RIMBP2: variants seen among roughly 807,000 people sequenced by gnomAD.
The protein encoded by RIMBP2 is RIMS binding protein 2, also known as RIMS-binding protein 2.
A neutral mutation model predicts 118.6 loss-of-function variants in RIMBP2; 48 were observed. The ratio of observed to expected loss-of-function variants is 0.40; its 90% CI spans 0.32 to 0.51. RIMBP2 has a LOEUF of 0.51. Ranked by LOEUF, RIMBP2 falls within the 20% of genes least tolerant of loss-of-function variation. The pLI, the probability that RIMBP2 is intolerant of heterozygous loss-of-function variation, is 0.41. For synonymous variants in RIMBP2, 762 were observed against 742.9 expected (o/e 1.03, Z -0.42); for missense variants, 1,551 against 1,768.3 (o/e 0.88, Z 2.20).
chr12:130,596,919 G>C (rs1040763765), intron 2 of RIMBP2, among the ~76,000 whole-genome samples: 1 of 152,200 alleles, frequency 6.6e-6, no homozygotes, highest in African/African-American at 2.4e-5. Context: ...AACTTGAGTG[G>C]CTCCATGTTT....
chr12:130,405,284 C>A (rs886996500), intron 21 of RIMBP2, among the ~76,000 whole-genome samples: 3 of 152,158 alleles, frequency 2.0e-5, no homozygotes, highest in Admixed American at 6.5e-5. Flanking sequence ...AATATCCTCA[C>A]CAAAGGCAAA....
rs1349057455 is a variant in RIMBP2, at chr12:130,622,934, A to G, written c.-217+5388T>C. On this transcript the variant is annotated intron_variant, in intron 2 of 22. Coordinates refer to ENST00000690449, the MANE Select transcript of RIMBP2 (RefSeq NM_001393629.1). The surrounding 1 kb of genome is among the most constrained non-coding windows in gnomAD (Gnocchi z 8.5). ...CTACTAAGCCCTGCAGGTAGGAACA[A>G]GAAGACTCATCTAACAGAGAAAATG... 6.6e-6 allele frequency among the ~76,000 whole-genome samples: 1 copy of G among 152,248 alleles called. No homozygotes were observed. Among genetic ancestry groups the G allele is most frequent in the Non-Finnish European group, 1.5e-5 (1 of 68,042 alleles).
intron 1 of RIMBP2, among the ~76,000 whole-genome samples, chr12:130,646,125 GCCTCTCCACCTC>G (rs1381140181): frequency 6.5e-4 from 13 of 20,046 alleles, no homozygotes; most frequent in South Asian, 3.9e-3. Flanking sequence ...CTCACCACCT[GCCTCTCCACCTC>G]CCTCACCACC....
At chr12:130,546,980 T>C in intron 2 of RIMBP2, among the ~76,000 whole-genome samples, 1 of 152,054 alleles carries the variant, frequency 6.6e-6, no homozygotes, top group Non-Finnish European at 1.5e-5. Flanking sequence ...CTCCCTATCA[T>C]CTCCCCAGTG....
intron 3 of RIMBP2, among the ~76,000 whole-genome samples, chr12:130,516,859 T>C (rs2051518924): frequency 1.3e-5 from 2 of 151,962 alleles, no homozygotes; most frequent in Non-Finnish European, 2.9e-5. Flanking sequence ...CCAGTTGCCA[T>C]AGGGAAAAGA....
At position 130,424,637 on chromosome 12, in the gene RIMBP2, G is replaced by T; in HGVS notation, c.2634C>A (p.Ala878=). 8.1e-7 allele frequency: 1 copy of T among 1,231,944 alleles called. No individual in the cohort carries two copies. 76.3% of individuals were successfully genotyped at this position (1,231,944 alleles called of 1,614,324 possible). The change falls in exon 16 of 23, where the codon GCC becomes GCA. Residue 878 remains alanine, a synonymous_variant. Transcript: ENST00000690449. This position sits in a 1 kb window ranked among gnomAD's most constrained non-coding sequence, Gnocchi z 9.8. Reference sequence around the variant, plus strand: ...TCACCGGGAACCAGGAGCCCCGAGGGGCCTCGTCGCCCCTGTAGGGCCTGC... The same window carrying T: ...TCACCGGGAACCAGGAGCCCCGAGGTGCCTCGTCGCCCCTGTAGGGCCTGC... ...RPGRPYRGDE[A]PRGSWFPVKH... is the part of the protein sequence containing the mutation.
At chr12:130,610,908 A>G (rs950012178) in intron 2 of RIMBP2, among the ~76,000 whole-genome samples, 1 of 152,086 alleles carries the variant, frequency 6.6e-6, no homozygotes, top group African/African-American at 2.4e-5. Flanking sequence ...AACACCTGCA[A>G]TGTCTCAGAA....
rs760736700 is a variant in RIMBP2 at position 130,683,943 on chromosome 12, C to T, written c.-352+32279G>A. Among the ~76,000 whole-genome samples, 9 of 152,194 alleles carry T rather than the reference C, an allele frequency of 5.9e-5. No individual in the cohort carries two copies. Among genetic ancestry groups the T allele is most frequent in the Non-Finnish European group, 7.3e-5 (5 of 68,042 alleles). The stretch of plus-strand genomic sequence containing the variant: ...AATTTGCTTTCACCTTACAGACTCA[C>T]GCTGAATTCTTTCTGTAGAGAATCC... On this transcript the variant is annotated intron_variant, in intron 1 of 22. Coordinates refer to ENST00000690449, the MANE Select transcript of RIMBP2 (RefSeq NM_001393629.1). The surrounding 1 kb of genome is among the most constrained non-coding windows in gnomAD (Gnocchi z 4.4).
chr12:130,677,088 G>C (rs916341224), intron 1 of RIMBP2, among the ~76,000 whole-genome samples: 1 of 152,152 alleles, frequency 6.6e-6, no homozygotes, highest in African/African-American at 2.4e-5. Flanking sequence ...GTGCCCAGGG[G>C]ACAGCAGGTG....
rs201204468 is a variant in RIMBP2, at chr12:130,407,792, C to G, written c.3627G>C (p.Ser1209=). 11 of 1,614,030 alleles carry G rather than the reference C, an allele frequency of 6.8e-6. 1 individual carries two copies. Among genetic ancestry groups the G allele is most frequent in the East Asian group, 4.5e-5 (2 of 44,878 alleles). Residue 1209 remains serine (S), a synonymous_variant, in exon 20 of 23, where the codon TCG becomes TCC. Coordinates refer to ENST00000690449, the MANE Select transcript of RIMBP2 (RefSeq NM_001393629.1). Reference sequence around the variant, plus strand: ...CATACAGGGCCACCATTCTCCGCGTCGATACCGAATGACGCCTGCCACTTC... The same window carrying G: ...CATACAGGGCCACCATTCTCCGCGTGGATACCGAATGACGCCTGCCACTTC... ...SRRSGRRHSV[S]TRRMVALYDY... is the part of the protein sequence containing the mutation.
At chr12:130,438,035 A>G (rs966690688) in intron 12 of RIMBP2, among the ~76,000 whole-genome samples, 1 of 152,196 alleles carries the variant, frequency 6.6e-6, no homozygotes, top group African/African-American at 2.4e-5. Context: ...GGCCATGGGT[A>G]TCATCGTGCT....
At chr12:130,704,137 A>C (rs1272797621) in intron 1 of RIMBP2, among the ~76,000 whole-genome samples, 1 of 152,118 alleles carries the variant, frequency 6.6e-6, no homozygotes, top group Non-Finnish European at 1.5e-5. Flanking sequence ...CAGGCACCAG[A>C]ACACAGGCAG....
In RIMBP2 at chr12:130,428,289, A is replaced by C; in HGVS notation, c.2302T>G (p.Ser768Ala). 1 of 1,611,806 alleles carries C rather than the reference A, an allele frequency of 6.2e-7. No homozygotes were observed. Among genetic ancestry groups the C allele is most frequent in the Non-Finnish European group, 8.5e-7 (1 of 1,179,040 alleles). ...DEYHTESSRG[S>A]DLSDIMEEDE... ...TCCTCCATGATGTCTGAGAGGTCAG[A>C]CCCCCGGCTGCTCTCTGTGTGGTAC... is the stretch of plus-strand genomic sequence containing the variant. The change falls in exon 15 of 23, where the codon TCT becomes GCT. Residue 768 changes from serine (S) to alanine (A), a missense_variant. Around this residue, in one of 5 missense-constraint regions of RIMBP2, gnomAD observed 1,038 missense variants for 1,125.1 expected, o/e 0.92. Transcript: ENST00000690449.
intron 2 of RIMBP2, among the ~76,000 whole-genome samples, chr12:130,555,954 G>A (rs1395022429): frequency 6.6e-6 from 1 of 152,194 alleles, no homozygotes; most frequent in Admixed American, 6.5e-5. Context: ...GCACGGAGAG[G>A]AGGCAGCACC....
In RIMBP2 at chr12:130,396,862, C is replaced by CAA. The variant is rs1385396515; in HGVS notation, c.*497_*498dup. 6.6e-6 allele frequency: 1 copy of CAA among 152,586 alleles called. No homozygotes were observed. Among genetic ancestry groups the CAA allele is most frequent in the Non-Finnish European group, 1.5e-5 (1 of 68,054 alleles). The allele number at this position is 152,586 out of a possible 1,614,324, so 9.5% of individuals were successfully genotyped here. A position where few individuals can be genotyped will look rare whatever the true frequency, so the allele number is the denominator to read the frequency against. On this transcript the variant is annotated 3_prime_UTR_variant, in exon 23 of 23. Coordinates refer to ENST00000690449, the MANE Select transcript of RIMBP2 (RefSeq NM_001393629.1). ...AAGACCACTGAATGCACGACACATA[C>CAA]AAAGTATACACTGTTTTTATTAGAC...
intron 4 of RIMBP2, among the ~76,000 whole-genome samples, chr12:130,491,714 C>T (rs1264587780): frequency 6.6e-6 from 1 of 152,212 alleles, no homozygotes; most frequent in African/African-American, 2.4e-5. Flanking sequence ...CACCCTGACA[C>T]CGGGCTTCCG....
chr12:130,677,308 G>A (rs2064536850), intron 1 of RIMBP2, among the ~76,000 whole-genome samples: 1 of 152,142 alleles, frequency 6.6e-6, no homozygotes, highest in Non-Finnish European at 1.5e-5. Flanking sequence ...AGCATGCTGG[G>A]ATGATGAGTG....
intron 1 of RIMBP2, among the ~76,000 whole-genome samples, chr12:130,702,326 G>A (rs1223756804): frequency 2.0e-5 from 3 of 152,138 alleles, no homozygotes; most frequent in South Asian, 2.1e-4. Context: ...AGACCAGCCC[G>A]ATCAATATGG....
intron 3 of RIMBP2, among the ~76,000 whole-genome samples, chr12:130,514,684 C>T (rs983861915): frequency 1.3e-5 from 2 of 152,170 alleles, no homozygotes; most frequent in Non-Finnish European, 2.9e-5. Context: ...GCCTGAAGCA[C>T]CCCCATCTTT....
Sources: allele counts gnomAD v4.1 joint callset (sites outside exome capture counted in the v4.1 genomes callset), GRCh38; gene constraint gnomAD v4.1.1; regional missense constraint gnomAD v4.1.1; non-coding constraint Gnocchi (gnomAD v3.1); transcripts MANE v1.5; gene names NCBI Gene and HGNC (gene_info 2026-07-23, HGNC 2026-07-21).